NTM: variants seen among roughly 807,000 people sequenced by gnomAD.
NTM encodes neurotrimin.
Under a neutral mutation model 42.1 loss-of-function variants are expected in NTM, and 13 were observed. The ratio of observed to expected loss-of-function variants is 0.31; its 90% CI spans 0.20 to 0.49. The LOEUF (loss-of-function observed/expected upper bound fraction) is 0.49, where lower values mean the gene tolerates loss of function less well. Ranked by LOEUF, NTM falls within the 20% of genes least tolerant of loss-of-function variation. The probability of loss-of-function intolerance (pLI) is 0.99; values close to 1 mark genes in which losing one functional copy is unlikely to be tolerated. For missense variants in NTM, 373 were observed against 452.8 expected (o/e 0.82, Z 1.60); for synonymous variants, 187 against 179.2 (o/e 1.04, Z -0.35).
chr11:132,222,286 G>T (rs1447699711), intron 4 of NTM, among the ~76,000 whole-genome samples: 1 of 152,130 alleles, frequency 6.6e-6, no homozygotes, highest in African/African-American at 2.4e-5. Flanking sequence ...CGCACAGGAC[G>T]GACACAGCCT....
intron 2 of NTM, among the ~76,000 whole-genome samples, chr11:132,062,490 G>C (rs999251437): frequency 8.0e-5 from 8 of 100,484 alleles, no homozygotes; most frequent in Non-Finnish European, 1.4e-4. Context: ...TGATGGAAGA[G>C]ATAGGCTTTT....
intron 2 of NTM, among the ~76,000 whole-genome samples, chr11:131,997,626 A>C (rs1338498517): frequency 2.0e-5 from 3 of 152,090 alleles, no homozygotes; most frequent in Admixed American, 2.0e-4. Flanking sequence ...TAATGATCTG[A>C]ACTGTGTTTC....
intron 1 of NTM, among the ~76,000 whole-genome samples, chr11:131,789,654 G>GA (rs1257479005): frequency 3.6e-5 from 5 of 138,160 alleles, no homozygotes; most frequent in African/African-American, 5.5e-5. Flanking sequence ...AGAAGAAGAA[G>GA]AAGAAGAAGA....
intron 2 of NTM, among the ~76,000 whole-genome samples, chr11:131,968,383 C>T (rs560434696): frequency 6.6e-6 from 1 of 152,196 alleles, no homozygotes; most frequent in East Asian, 1.9e-4. Context: ...CATAATTTGC[C>T]ATTGAACAGT....
At chr11:132,090,207 C>T (rs7128321) in intron 2 of NTM, among the ~76,000 whole-genome samples, 16,880 of 152,154 alleles carry the variant, frequency 0.11, 1,095 homozygotes, top group Middle Eastern at 0.22. Flanking sequence ...GCACTTAAAC[C>T]ATGGGCTATA....
At chr11:131,507,196 T>A (rs2047590299) in intron 1 of NTM, among the ~76,000 whole-genome samples, 1 of 152,196 alleles carries the variant, frequency 6.6e-6, no homozygotes, top group South Asian at 2.1e-4. Context: ...AAGTTGAAAT[T>A]TGCTCAGTTT....
chr11:132,292,624 C>A (rs1269350754), intron 4 of NTM, among the ~76,000 whole-genome samples: 1 of 151,398 alleles, frequency 6.6e-6, no homozygotes, highest in African/African-American at 2.4e-5. Flanking sequence ...TTTGATGTTC[C>A]TACAGCAGAC....
chr11:131,788,314 G>T (rs906398952), intron 1 of NTM, among the ~76,000 whole-genome samples: 1 of 151,660 alleles, frequency 6.6e-6, no homozygotes, highest in Non-Finnish European at 1.5e-5. Context: ...AATTATTTTT[G>T]TCAGATCCTT....
chr11:131,553,682 T>G (rs2055008715), intron 1 of NTM, among the ~76,000 whole-genome samples: 1 of 152,222 alleles, frequency 6.6e-6, no homozygotes, highest in Admixed American at 6.5e-5. Flanking sequence ...TTTCCCCATG[T>G]TTTTTGGTTG....
At chr11:131,887,436 T>G (rs958063373) in intron 1 of NTM, among the ~76,000 whole-genome samples, 3 of 152,200 alleles carry the variant, frequency 2.0e-5, no homozygotes, top group African/African-American at 7.2e-5. Context: ...CTTCTTCTCC[T>G]GCCATTCTTC....
At chr11:131,692,316 C>A (rs1429426643) in intron 1 of NTM, among the ~76,000 whole-genome samples, 9 of 152,136 alleles carry the variant, frequency 5.9e-5, no homozygotes, top group African/African-American at 1.9e-4. Flanking sequence ...ATCTCCCATG[C>A]AGATCTCTGG....
At chr11:132,164,511 T>A (rs2137698635) in intron 3 of NTM, among the ~76,000 whole-genome samples, 1 of 152,308 alleles carries the variant, frequency 6.6e-6, no homozygotes, top group South Asian at 2.1e-4. Flanking sequence ...GACTATGAAC[T>A]CATTAAGGAT....
intron 4 of NTM, among the ~76,000 whole-genome samples, chr11:132,224,471 A>C (rs955589775): frequency 6.6e-6 from 1 of 152,116 alleles, no homozygotes; most frequent in Non-Finnish European, 1.5e-5. Context: ...GCAGATGCAC[A>C]TGCCTGTATG....
intron 1 of NTM, among the ~76,000 whole-genome samples, chr11:131,419,464 C>T (rs958751854): frequency 1.3e-5 from 2 of 151,892 alleles, no homozygotes; most frequent in Admixed American, 6.6e-5. Flanking sequence ...TAGGCTGAGG[C>T]CTGAAGGATA....
chr11:132,122,774 G>A (rs1023383449), intron 2 of NTM, among the ~76,000 whole-genome samples: 1 of 152,180 alleles, frequency 6.6e-6, no homozygotes, highest in African/African-American at 2.4e-5. Flanking sequence ...GAGCTCCTTA[G>A]TTGGCGTTTC....
At chr11:131,527,246 A>G (rs2136633086) in intron 1 of NTM, among the ~76,000 whole-genome samples, 1 of 152,004 alleles carries the variant, frequency 6.6e-6, no homozygotes, top group South Asian at 2.1e-4. Flanking sequence ...TCTGAACCCA[A>G]CCTGTTTGGC....
chr11:131,472,559 C>A (rs1952537646), intron 1 of NTM, among the ~76,000 whole-genome samples: 1 of 151,916 alleles, frequency 6.6e-6, no homozygotes, highest in Admixed American at 6.6e-5. Flanking sequence ...AGAAAGTGCA[C>A]ATAATCACAA....
intron 3 of NTM, among the ~76,000 whole-genome samples, chr11:132,193,999 A>G (rs2079741157): frequency 6.6e-6 from 1 of 152,188 alleles, no homozygotes; most frequent in Non-Finnish European, 1.5e-5. Context: ...AACAAAGACC[A>G]GGACCAGATG....
At chr11:131,932,204 G>T (rs1327567086) in intron 2 of NTM, among the ~76,000 whole-genome samples, 3 of 152,192 alleles carry the variant, frequency 2.0e-5, no homozygotes, top group Non-Finnish European at 4.4e-5. Flanking sequence ...GGTGGAATGA[G>T]ACAGTGAACA....
Sources: gnomAD v4.1 joint callset for allele counts (sites outside exome capture counted in the v4.1 genomes callset) on GRCh38, gnomAD v4.1.1 for gene constraint, MANE v1.5 for transcripts, NCBI Gene and HGNC (gene_info 2026-07-23, HGNC 2026-07-21) for gene names.